The following PEF1 variants were observed in gnomAD, a reference collection of about 807,000 sequenced individuals.
PEF1 encodes the protein peflin.
In PEF1, 17 loss-of-function variants were observed where a neutral mutation model predicts 32.0. That is an observed-to-expected ratio of 0.53 (90% CI 0.36 to 0.80). The LOEUF is 0.80. Ranked by LOEUF, PEF1 falls within the 30% of genes least tolerant of loss-of-function variation. The pLI, the probability that PEF1 is intolerant of heterozygous loss-of-function variation, is 0.00. For synonymous variants in PEF1, 130 were observed against 139.8 expected (o/e 0.93, Z 0.50); for missense variants, 362 against 369.1 (o/e 0.98, Z 0.16).
chr1:31,643,589 G>C (rs1247459278), intron 1 of PEF1, among the ~76,000 whole-genome samples: 1 of 152,146 alleles, frequency 6.6e-6, no homozygotes, highest in East Asian at 1.9e-4. Flanking sequence ...CTTTGGGTTT[G>C]CTCCTCAGCA....
At chr1:31,642,250 TA>T (rs2148626292) in intron 1 of PEF1, among the ~76,000 whole-genome samples, 1 of 152,132 alleles carries the variant, frequency 6.6e-6, no homozygotes, top group South Asian at 2.1e-4. Flanking sequence ...AACAAATAAA[TA>T]AAAAATTTTT....
intron 2 of PEF1, among the ~76,000 whole-genome samples, chr1:31,634,086 G>A (rs1399459126): frequency 6.6e-6 from 1 of 152,188 alleles, no homozygotes; most frequent in African/African-American, 2.4e-5. Flanking sequence ...CAGTTGTGGA[G>A]GACAGAAACC....
At chr1:31,633,072 A>G (rs1245843033) in intron 3 of PEF1, 87 bp downstream of exon 3, 1 of 1,443,544 alleles carries the variant, frequency 6.9e-7, no homozygotes, top group Non-Finnish European at 9.4e-7. Context: ...TTCTCTTCAG[A>G]ATGTCCACCC....
intron 1 of PEF1, 193 bp downstream of exon 1, chr1:31,644,648 G>T (rs1030086264): frequency 4.9e-6 from 7 of 1,438,466 alleles, no homozygotes; most frequent in Non-Finnish European, 6.4e-6. Flanking sequence ...ACGACCTCGC[G>T]AATGTGCGGT....
intron 2 of PEF1, among the ~76,000 whole-genome samples, chr1:31,633,742 G>A (rs1198584107): frequency 6.6e-6 from 1 of 152,110 alleles, no homozygotes; most frequent in Non-Finnish European, 1.5e-5. Context: ...GATCACCTGA[G>A]GTCGGGAGTT....
rs1218990837 is a variant in PEF1, at chr1:31,633,196, C to T, written c.444G>A (p.Trp148Ter). ...GGCAGGTCTCATCATTGAATGAAGA[C>T]CAATTGCAGTTGACCAGGGCCTGCT... ...ELKQALVNCNWSSFNDETCLM... is the reference protein window; with the variant it reads ...ELKQALVNCN The change falls in exon 3 of 5, where the codon TGG becomes TGA. Residue 148 changes from tryptophan (W) to a stop codon, truncating the protein, a stop_gained. Transcript: ENST00000373703. LOFTEE classifies it high-confidence loss of function. 3.1e-6 allele frequency: 5 copies of T among 1,613,906 alleles called. No homozygotes were observed. Among genetic ancestry groups the T allele is most frequent in the Non-Finnish European group, 3.4e-6 (4 of 1,179,966 alleles).
intron 1 of PEF1, among the ~76,000 whole-genome samples, chr1:31,637,538 G>A (rs1054090928): frequency 2.8e-4 from 42 of 151,272 alleles, no homozygotes; most frequent in African/African-American, 1.0e-3. Flanking sequence ...CCTGCTACTC[G>A]GGAGGCTAAA....
In PEF1 at chr1:31,632,549, G is replaced by A. The variant is rs1384790829; in HGVS notation, c.571C>T (p.Gln191Ter). 6.8e-6 allele frequency: 11 copies of A among 1,614,244 alleles called. No homozygotes were observed. Among genetic ancestry groups the A allele is most frequent in the Non-Finnish European group, 9.3e-6 (11 of 1,180,046 alleles). Residue 191 changes from glutamine to a stop codon, truncating the protein, a stop_gained, in exon 4 of 5, where the codon CAG (glutamine) becomes TAG (stop). Coordinates refer to ENST00000373703, the MANE Select transcript of PEF1 (RefSeq NM_012392.4). LOFTEE classifies it high-confidence loss of function. ...CCCGAGCGGTCCCGGTCATACTGCT[G>A]GAAGAGGTTCTTCCACTGCTGGATG... ...KFIQQWKNLF[Q>*]QYDRDRSGSI...
intron 2 of PEF1, 147 bp from the exon 3 acceptor site, chr1:31,633,461 G>A: frequency 1.1e-6 from 1 of 870,704 alleles, no homozygotes; most frequent in South Asian, 1.8e-5. Flanking sequence ...TACTCTGATG[G>A]AAGAGGACCT....
intron 4 of PEF1, chr1:31,632,250 G>A (rs745510591): frequency 1.2e-4 from 85 of 680,964 alleles, no homozygotes; most frequent in Middle Eastern, 1.1e-3. Context: ...GGCTGGGGCC[G>A]TCTCACCCAG....
intron 1 of PEF1, among the ~76,000 whole-genome samples, chr1:31,637,172 C>CT (rs1640273942): frequency 6.6e-6 from 1 of 151,914 alleles, no homozygotes; most frequent in African/African-American, 2.4e-5. Context: ...GCCCTGTCAC[C>CT]CACTCAGCAA....
At chr1:31,632,110 C>A (rs778452122) in intron 4 of PEF1, among the ~76,000 whole-genome samples, 15 of 152,260 alleles carry the variant, frequency 9.9e-5, no homozygotes, top group Non-Finnish European at 2.1e-4. Context: ...ACAGACCCAT[C>A]TTTCTGAGCC....
At chr1:31,642,788 C>T (rs557317655) in intron 1 of PEF1, among the ~76,000 whole-genome samples, 2 of 152,344 alleles carry the variant, frequency 1.3e-5, no homozygotes, top group Admixed American at 1.3e-4. Flanking sequence ...TAGGCACTAG[C>T]AACACGCCAG....
chr1:31,632,622 G>C lies in PEF1; in HGVS notation c.498C>G (p.Thr166=), dbSNP rs766534168. The C allele has an allele frequency of 3.7e-6, 6 of 1,614,010 alleles. No individual in the cohort carries two copies. Among genetic ancestry groups the C allele is most frequent in the Non-Finnish European group, 5.1e-6 (6 of 1,179,964 alleles). ...CGTAGACATCGATGCGGCCTGACTT[G>C]GTCTTGTCAAACATGTCTGAAGGTG... is the stretch of plus-strand genomic sequence containing the variant. The part of the protein sequence containing the change: ...CLMMINMFDK[T]KSGRIDVYGF... The change falls in exon 4 of 5, where the codon ACC becomes ACG. Residue 166 remains threonine (T), a synonymous_variant. Transcript: ENST00000373703.
intron 4 of PEF1, among the ~76,000 whole-genome samples, chr1:31,632,141 T>C (rs563820789): frequency 2.0e-5 from 3 of 152,228 alleles, no homozygotes; most frequent in Non-Finnish European, 2.9e-5. Context: ...CTCTTTCCAT[T>C]CTACATGCTA....
chr1:31,630,233 G>A lies in PEF1; in HGVS notation c.*380C>T. On this transcript the variant is annotated 3_prime_UTR_variant, in exon 5 of 5. Coordinates refer to ENST00000373703, the MANE Select transcript of PEF1 (RefSeq NM_012392.4). The stretch of plus-strand genomic sequence containing the variant: ...CGTTTGACAGGATGGCCTGGTGAGG[G>A]AACACAGGTACTAACGGTAACAGGC... 1 of 269,754 alleles carries A rather than the reference G, an allele frequency of 3.7e-6. No individual in the cohort carries two copies. Among genetic ancestry groups the A allele is most frequent in the Non-Finnish European group, 7.3e-6 (1 of 136,114 alleles). 16.7% of individuals were successfully genotyped at this position (269,754 alleles called of 1,614,324 possible).
In PEF1 at chr1:31,635,301, G is replaced by A. The variant is rs764661447; in HGVS notation, c.246C>T (p.Gly82=). Residue 82 remains glycine, a synonymous_variant, in exon 2 of 5, where the codon GGC becomes GGT. Transcript: ENST00000373703. ...CATAGGGGCCCCCGGGAGCTGCACC[G>A]CCATATGGTCCTCCTGGAGTTCCAG... ...FPSGTPGGPY[G]GAAPGGPYGQ... 66 of 1,614,012 alleles carry A rather than the reference G, an allele frequency of 4.1e-5. No homozygotes were observed. Among genetic ancestry groups the A allele is most frequent in the African/African-American group, 2.3e-4 (17 of 74,910 alleles).
Position 31,632,172 on chromosome 1 carries a change from C to G in PEF1, c.625+323G>C, listed in dbSNP as rs1557584042. 4 of 573,508 alleles carry G rather than the reference C, an allele frequency of 7.0e-6. No individual in the cohort carries two copies. In the East Asian group the frequency reaches 1.2e-4, roughly 17 times the overall value. 35.5% of individuals were successfully genotyped at this position (573,508 alleles called of 1,614,324 possible). A position where few individuals can be genotyped will look rare whatever the true frequency, so the allele number is the denominator to read the frequency against. On this transcript the variant is annotated intron_variant, in intron 4 of 4. Coordinates refer to ENST00000373703, the MANE Select transcript of PEF1 (RefSeq NM_012392.4). ...TGCTAGAAACTGGAGAGAAAGGAGTCACCCAAGCCACACACACTGGTCTCA... is the reference window on the plus strand; with the variant it reads ...TGCTAGAAACTGGAGAGAAAGGAGTGACCCAAGCCACACACACTGGTCTCA...
intron 1 of PEF1, among the ~76,000 whole-genome samples, chr1:31,643,550 C>G (rs1408505745): frequency 1.3e-5 from 2 of 152,208 alleles, no homozygotes; most frequent in Non-Finnish European, 2.9e-5. Flanking sequence ...TCACTTACTA[C>G]GTGTGACTTT....
Sources: allele counts gnomAD v4.1 joint callset (sites outside exome capture counted in the v4.1 genomes callset), GRCh38; gene constraint gnomAD v4.1.1; transcripts MANE v1.5; gene names NCBI Gene and HGNC (gene_info 2026-07-23, HGNC 2026-07-21).